The following ATXN3 variants were observed in gnomAD, a reference collection of about 807,000 sequenced individuals.
ATXN3 encodes ataxin-3.
A neutral mutation model predicts 58.2 loss-of-function variants in ATXN3; 28 were observed. That is an observed-to-expected ratio of 0.48 (90% CI 0.36 to 0.66). The LOEUF (loss-of-function observed/expected upper bound fraction) is 0.66. Ranked by LOEUF, ATXN3 falls within the 30% of genes least tolerant of loss-of-function variation. ATXN3 has a pLI of 0.00. For missense variants in ATXN3, 321 were observed against 422.1 expected (o/e 0.76, Z 2.10); for synonymous variants, 113 against 138.5 (o/e 0.82, Z 1.29).
intron 5 of ATXN3, 23 bp downstream of exon 5, chr14:92,093,229 C>T (rs750301693): frequency 1.4e-6 from 2 of 1,464,780 alleles, no homozygotes; most frequent in Non-Finnish European, 1.9e-6. Context: ...GAAAAAAAGA[C>T]AAGGAAGGGT....
At chr14:92,068,502 A>G (rs780623755) in intron 10 of ATXN3, among the ~76,000 whole-genome samples, 3 of 152,086 alleles carry the variant, frequency 2.0e-5, no homozygotes, top group Non-Finnish European at 4.4e-5. Context: ...CAAAAAGAAA[A>G]TCCAGTCCAC....
At chr14:92,092,952 T>C (rs896960553) in intron 5 of ATXN3, among the ~76,000 whole-genome samples, 1 of 151,246 alleles carries the variant, frequency 6.6e-6, no homozygotes, top group Non-Finnish European at 1.5e-5. Context: ...AGCCTCAAAC[T>C]CCTGAGCTCA....
At chr14:92,052,042 C>A (rs1039527123), upstream of ATXN3, among the ~76,000 whole-genome samples, 5 of 151,736 alleles carry the variant, frequency 3.3e-5, no homozygotes, top group Non-Finnish European at 5.9e-5. Flanking sequence ...GTTTTAACCA[C>A]ACCTCCTGAT....
chr14:92,052,205 G>A (rs143753289), upstream of ATXN3, among the ~76,000 whole-genome samples: 86 of 152,042 alleles, frequency 5.7e-4, no homozygotes, highest in African/African-American at 2.0e-3. Flanking sequence ...AAAAATGTTC[G>A]CATCTCTCGC....
chr14:92,077,901 C>A (rs1016316580), intron 9 of ATXN3, among the ~76,000 whole-genome samples: 4 of 151,992 alleles, frequency 2.6e-5, no homozygotes, highest in Non-Finnish European at 5.9e-5. Context: ...CCTGCCTCAG[C>A]CTCCCAAAGT....
At chr14:92,102,781 A>T (rs1370891108) in intron 1 of ATXN3, among the ~76,000 whole-genome samples, 1 of 152,224 alleles carries the variant, frequency 6.6e-6, no homozygotes, top group Non-Finnish European at 1.5e-5. Flanking sequence ...GATACTAAGT[A>T]ACTTGCTCAG....
At chr14:92,101,315 A>AGCAACATCATGTCTCT (rs1227450512) in intron 1 of ATXN3, among the ~76,000 whole-genome samples, 3 of 152,206 alleles carry the variant, frequency 2.0e-5, no homozygotes, top group African/African-American at 7.2e-5. Context: ...CAGGTGACAG[A>AGCAACATCATGTCTCT]GCAACATCAT....
intron 9 of ATXN3, among the ~76,000 whole-genome samples, chr14:92,076,663 G>C (rs2060441183): frequency 6.6e-6 from 1 of 151,874 alleles, no homozygotes; most frequent in Non-Finnish European, 1.5e-5. Flanking sequence ...CTGATGGCTG[G>C]GCGCGGTGGT....
intron 9 of ATXN3, among the ~76,000 whole-genome samples, chr14:92,074,012 CAAAA>C (rs554711538): frequency 0.34 from 24,858 of 74,072 alleles, 2,665 homozygotes; most frequent in East Asian, 0.51. Flanking sequence ...GACTCCACCT[CAAAA>C]AAAAAAAAAA....
chr14:92,096,538 C>T (rs770344520), intron 2 of ATXN3, 136 bp downstream of exon 2: 32 of 906,344 alleles, frequency 3.5e-5, no homozygotes, highest in Middle Eastern at 7.0e-4. Context: ...GCAGGAGAAT[C>T]GCTTGAACCC....
At chr14:92,093,952 T>A in intron 3 of ATXN3, 121 bp from the exon 4 acceptor site, 1 of 569,550 alleles carries the variant, frequency 1.8e-6, no homozygotes, top group Non-Finnish European at 3.1e-6. Context: ...AGGTTTTTTT[T>A]TTTTTTTTTG....
At chr14:92,103,305 T>C (rs1043214362) in intron 1 of ATXN3, among the ~76,000 whole-genome samples, 5 of 103,126 alleles carry the variant, frequency 4.8e-5, no homozygotes, top group Non-Finnish European at 9.0e-5. Flanking sequence ...CATGCACAAA[T>C]AAGAATGTGT....
chr14:92,054,873 AGTTT>A (rs987816898), downstream of ATXN3, among the ~76,000 whole-genome samples: 5 of 139,356 alleles, frequency 3.6e-5, no homozygotes, highest in Admixed American at 3.4e-4. Context: ...CTGTTATATT[AGTTT>A]GTTTTTGTTT....
intron 1 of ATXN3, among the ~76,000 whole-genome samples, chr14:92,049,266 G>T (rs910308674): frequency 6.6e-6 from 1 of 152,152 alleles, no homozygotes; most frequent in African/African-American, 2.4e-5. Context: ...ACACGGAGAA[G>T]GGGGTGGGTG....
At chr14:92,100,098 T>A (rs2066426145) in intron 1 of ATXN3, among the ~76,000 whole-genome samples, 1 of 152,192 alleles carries the variant, frequency 6.6e-6, no homozygotes, top group African/African-American at 2.4e-5. Flanking sequence ...AATGTGTTAG[T>A]ACACAAACTC....
intron 3 of ATXN3, 94 bp from the exon 4 acceptor site, chr14:92,093,925 T>A: frequency 4.0e-6 from 3 of 752,042 alleles, no homozygotes; most frequent in Non-Finnish European, 6.8e-6. Flanking sequence ...CATATATAAA[T>A]TTCTCTAGAA....
At chr14:92,104,298 A>G (rs1171207028) in intron 1 of ATXN3, among the ~76,000 whole-genome samples, 1 of 151,664 alleles carries the variant, frequency 6.6e-6, no homozygotes. Flanking sequence ...CTGCCACCAC[A>G]CCTGGCTAAT....
intron 1 of ATXN3, among the ~76,000 whole-genome samples, chr14:92,106,115 G>A (rs755241934): frequency 2.6e-5 from 4 of 152,134 alleles, no homozygotes; most frequent in Non-Finnish European, 4.4e-5. Context: ...AATTCTGCCA[G>A]GATTAGGGTA....
chr14:92,057,962 G>A (rs777564590), downstream of ATXN3, among the ~76,000 whole-genome samples: 9 of 151,916 alleles, frequency 5.9e-5, no homozygotes, highest in Non-Finnish European at 1.2e-4. Flanking sequence ...CTTCCACCTC[G>A]GCCTCTCAAA....
Sources: gnomAD v4.1 joint callset for allele counts (sites outside exome capture counted in the v4.1 genomes callset) on GRCh38, gnomAD v4.1.1 for gene constraint, MANE v1.5 for transcripts, NCBI Gene and HGNC (gene_info 2026-07-23, HGNC 2026-07-21) for gene names.